PRKCB: variants seen among roughly 807,000 people sequenced by gnomAD.
PRKCB encodes the protein protein kinase C beta type.
Under a neutral mutation model 81.5 loss-of-function variants are expected in PRKCB, and 13 were observed. That is an observed-to-expected ratio of 0.16 (90% CI 0.10 to 0.25). The LOEUF (loss-of-function observed/expected upper bound fraction) is 0.25. Ranked by LOEUF, PRKCB falls within the 10% of genes least tolerant of loss-of-function variation. The pLI, the probability that PRKCB is intolerant of heterozygous loss-of-function variation, is 1.00. For missense variants in PRKCB, 509 were observed against 875.7 expected, an observed-to-expected ratio of 0.58 and a Z score of 5.29; for synonymous variants, 335 against 321.4, an observed-to-expected ratio of 1.04 and a Z score of -0.45.
intron 16 of PRKCB, among the ~76,000 whole-genome samples, chr16:24,193,594 T>C (rs2141981646): frequency 6.6e-6 from 1 of 152,110 alleles, no homozygotes; most frequent in Middle Eastern, 3.4e-3. Context: ...GGATTACAGG[T>C]GTGAGCCACT....
chr16:23,995,892 C>G (rs1003221521), intron 3 of PRKCB, among the ~76,000 whole-genome samples: 3 of 151,870 alleles, frequency 2.0e-5, no homozygotes, highest in Non-Finnish European at 4.4e-5. Context: ...CAGACACCAC[C>G]CAGAAGTGGA....
At chr16:23,925,776 C>G (rs973908081) in intron 2 of PRKCB, among the ~76,000 whole-genome samples, 2 of 151,978 alleles carry the variant, frequency 1.3e-5, no homozygotes, top group Non-Finnish European at 2.9e-5. Flanking sequence ...ATCCTTCACT[C>G]CCCCACCCAA....
intron 2 of PRKCB, among the ~76,000 whole-genome samples, chr16:23,837,859 G>T (rs1472246789): frequency 2.0e-5 from 3 of 152,196 alleles, no homozygotes; most frequent in Non-Finnish European, 2.9e-5. Flanking sequence ...TGCAGATGGT[G>T]CATCCCCTAG....
rs1968245755 is a variant in PRKCB, at chr16:24,217,434, T to A, written c.*2618T>A. On this transcript the variant is annotated 3_prime_UTR_variant, in exon 17 of 17. Coordinates refer to ENST00000643927, the MANE Select transcript of PRKCB (RefSeq NM_002738.7). ...ACCTTCTTGGGGGATTAATGGGAGGTCAGTAGAATTAATAACCCTCCTTGG... is the reference window on the plus strand; with the variant it reads ...ACCTTCTTGGGGGATTAATGGGAGGACAGTAGAATTAATAACCCTCCTTGG... 1.0e-6 allele frequency: 1 copy of A among 985,030 alleles called. No individual in the cohort carries two copies. Among genetic ancestry groups the A allele is most frequent in the African/African-American group, 1.8e-5 (1 of 57,120 alleles). 61.0% of individuals were successfully genotyped at this position (985,030 alleles called of 1,614,324 possible).
In PRKCB at chr16:24,220,162, A is replaced by G; in HGVS notation, c.*5346A>G. ...GCCTGGGGTGTAAGACTTCAAGCCA[A>G]GCGTATGTATCAATTCTAGTCTTCC... On this transcript the variant is annotated 3_prime_UTR_variant, in exon 17 of 17. Transcript: ENST00000643927. 1 of 1,603,938 alleles carries G rather than the reference A, an allele frequency of 6.2e-7. No homozygotes were observed. The highest frequency in any genetic ancestry group is 8.5e-7 in the Non-Finnish European group (1 of 1,172,446).
At chr16:24,000,289 T>C (rs373768269) in intron 3 of PRKCB, among the ~76,000 whole-genome samples, 1 of 152,316 alleles carries the variant, frequency 6.6e-6, no homozygotes, top group African/African-American at 2.4e-5. Flanking sequence ...GAGTCATAGA[T>C]GGCCTCATCA....
At chr16:23,907,950 T>C (rs1963587641) in intron 2 of PRKCB, among the ~76,000 whole-genome samples, 1 of 152,242 alleles carries the variant, frequency 6.6e-6, no homozygotes, top group South Asian at 2.1e-4. Context: ...TATCGGTTTA[T>C]TGTCTTATTT....
At chr16:23,934,982 A>G (rs1964038336) in intron 2 of PRKCB, among the ~76,000 whole-genome samples, 1 of 152,176 alleles carries the variant, frequency 6.6e-6, no homozygotes, top group Non-Finnish European at 1.5e-5. Flanking sequence ...GTCTTTGAGT[A>G]TGGTGATGAC....
At chr16:23,968,015 C>T (rs2141798615) in intron 2 of PRKCB, among the ~76,000 whole-genome samples, 1 of 152,292 alleles carries the variant, frequency 6.6e-6, no homozygotes. Flanking sequence ...CAGTGGGGTG[C>T]ATGCTCTCTG....
chr16:23,871,477 C>A (rs898332565), intron 2 of PRKCB, among the ~76,000 whole-genome samples: 1 of 152,214 alleles, frequency 6.6e-6, no homozygotes, highest in African/African-American at 2.4e-5. Flanking sequence ...TGGCATTAGT[C>A]GGATCCTTCC....
At chr16:23,877,260 C>A (rs1455224165) in intron 2 of PRKCB, among the ~76,000 whole-genome samples, 1 of 152,092 alleles carries the variant, frequency 6.6e-6, no homozygotes, top group African/African-American at 2.4e-5. Context: ...TCACTTAAGC[C>A]CAGGAGCTCA....
chr16:23,949,721 C>T (rs549062060), intron 2 of PRKCB, among the ~76,000 whole-genome samples: 15 of 152,162 alleles, frequency 9.9e-5, no homozygotes, highest in Middle Eastern at 6.3e-3. Flanking sequence ...GTGGGGTAGT[C>T]CAGTAGGCAT....
rs565240154 is a variant in PRKCB at position 23,977,091 on chromosome 16, G to A, written c.206-11417G>A. 3.3e-5 allele frequency among the ~76,000 whole-genome samples: 5 copies of A among 152,272 alleles called. No homozygotes were observed. In the South Asian group the frequency reaches 8.3e-4, roughly 25 times the overall value. On this transcript the variant is annotated intron_variant, in intron 2 of 16. Transcript: ENST00000643927. ...AGTGCTGGGCTGTGAATAAGCAAAT[G>A]AAGTTTGCTATCTCTTCCTCCCCTC...
chr16:24,172,165 G>C, intron 10 of PRKCB, 105 bp from the exon 11 acceptor site: 1 of 794,234 alleles, frequency 1.3e-6, no homozygotes, highest in Non-Finnish European at 2.1e-6. Context: ...ATCTGTCAGA[G>C]AGCCCTGGTA....
chr16:24,098,577 AT>A (rs1966469317), intron 7 of PRKCB: 1 of 152,136 alleles, frequency 6.6e-6, no homozygotes, highest in Non-Finnish European at 1.5e-5. Context: ...TAGTGAAACC[AT>A]GTCTCTACTA....
In PRKCB at chr16:24,218,729, A is replaced by T; in HGVS notation, c.*3913A>T. ...GTGATGGCTCAAACGCTAATGAGTC[A>T]GTGAATCCTTACCGACCCCCTGGCC... On this transcript the variant is annotated 3_prime_UTR_variant, in exon 17 of 17. Transcript: ENST00000643927. 1 of 985,510 alleles carries T rather than the reference A, an allele frequency of 1.0e-6. No homozygotes were observed. The allele number at this position is 985,510 out of a possible 1,614,324, so 61.0% of individuals were successfully genotyped here.
Position 23,960,865 on chromosome 16 carries a change from G to T in PRKCB, c.206-27643G>T, listed in dbSNP as rs545572325. 9.8e-5 allele frequency among the ~76,000 whole-genome samples: 15 copies of T among 152,348 alleles called. No individual in the cohort carries two copies. In the South Asian group the frequency reaches 1.7e-3, roughly 17 times the overall value. On this transcript the variant is annotated intron_variant, in intron 2 of 16. Transcript: ENST00000643927. ...GAGAGTCTGGGGTATCCCAAACTAA[G>T]ATAATTGCCCAAGGTCTTAGCTAAA...
chr16:24,156,532 C>T (rs907381669), intron 10 of PRKCB, among the ~76,000 whole-genome samples: 10 of 152,242 alleles, frequency 6.6e-5, no homozygotes, highest in African/African-American at 2.2e-4. Context: ...GCTTCGGCCT[C>T]CCAAGGTGCT....
intron 7 of PRKCB, among the ~76,000 whole-genome samples, chr16:24,105,517 T>C (rs1303023016): frequency 3.9e-5 from 6 of 152,202 alleles, no homozygotes; most frequent in Non-Finnish European, 8.8e-5. Context: ...TTTGTCTTAA[T>C]GCTCTCCCTC....
Sources: allele counts gnomAD v4.1 joint callset (sites outside exome capture counted in the v4.1 genomes callset), GRCh38; gene constraint gnomAD v4.1.1; transcripts MANE v1.5; gene names NCBI Gene and HGNC (gene_info 2026-07-23, HGNC 2026-07-21).